BBS12: variants seen among roughly 807,000 people sequenced by gnomAD.
BBS12 encodes the protein chaperonin-containing T-complex member BBS12.
In BBS12, 5 loss-of-function variants were observed where a neutral mutation model predicts 5.6. That is an observed-to-expected ratio of 0.89 (90% CI 0.46 to 1.86). The LOEUF (loss-of-function observed/expected upper bound fraction) is 1.86, where lower values mean the gene tolerates loss of function less well. BBS12 is among the 40% of genes most tolerant of loss of function. The probability of loss-of-function intolerance (pLI) is 0.01; values close to 1 mark genes in which losing one functional copy is unlikely to be tolerated. For missense variants in BBS12, 748 were observed against 830.4 expected (o/e 0.90, Z 1.22); for synonymous variants, 308 against 306.8 (o/e 1.00, Z -0.04).
intron 1 of BBS12, 107 bp downstream of exon 1, chr4:122,732,991 G>A (rs1158143434): frequency 1.3e-5 from 2 of 152,402 alleles, no homozygotes; most frequent in African/African-American, 4.8e-5. Context: ...GAAAGAATGA[G>A]AATCTAGGGC....
chr4:122,719,788 G>T, the BBS12 span, among the ~76,000 whole-genome samples: 1 of 152,212 alleles, frequency 6.6e-6, no homozygotes, highest in African/African-American at 2.4e-5. Flanking sequence ...TTCAAGCCCA[G>T]GTTAGATGAA....
chr4:122,735,585 T>C (rs1443131508), intron 1 of BBS12, among the ~76,000 whole-genome samples: 1 of 152,212 alleles, frequency 6.6e-6, no homozygotes, highest in East Asian at 1.9e-4. Context: ...TTAAAACTTA[T>C]ATTCATGTTG....
At position 122,742,534 on chromosome 4, in the gene BBS12, A is replaced by T. The variant is rs1297157123; in HGVS notation, c.642A>T (p.Arg214=). ...TKVEADNNTS[R]TLKNSLLADT... ...TTGAAGCAGATAACAACACATCACG[A>T]ACTCTGAAAAACAGCCTGCTTGCAG... is the stretch of plus-strand genomic sequence containing the variant. The change falls in exon 2 of 2, where the codon CGA becomes CGT. Residue 214 remains arginine, a synonymous_variant. Transcript: ENST00000314218. 6.2e-7 allele frequency: 1 copy of T among 1,614,242 alleles called. No individual in the cohort carries two copies. The highest frequency in any genetic ancestry group is 1.7e-5 in the Admixed American group (1 of 60,028).
chr4:122,733,321 G>C (rs574710391), intron 1 of BBS12, among the ~76,000 whole-genome samples: 1 of 151,286 alleles, frequency 6.6e-6, no homozygotes, highest in South Asian at 2.1e-4. Context: ...ATTTGTTTAC[G>C]AGGTAGGACT....
the BBS12 span, among the ~76,000 whole-genome samples, chr4:122,707,519 G>A: frequency 6.6e-6 from 1 of 152,000 alleles, no homozygotes; most frequent in Non-Finnish European, 1.5e-5. Context: ...TTGAACCATG[G>A]GCTTACAAAT....
In BBS12 at chr4:122,743,653, G is replaced by A; in HGVS notation, c.1761G>A (p.Val587=). ...ASSLAIYRPT[V]LKFLANGWQK... ...CTCTGGCAATATACAGACCAACTGT[G>A]CTTAAATTCCTGGCAAATGGATGGC... The change falls in exon 2 of 2, where the codon GTG becomes GTA. Residue 587 remains valine (V), a synonymous_variant. Transcript: ENST00000314218. 6.2e-7 allele frequency: 1 copy of A among 1,614,080 alleles called. No individual in the cohort carries two copies. Among genetic ancestry groups the A allele is most frequent in the Non-Finnish European group, 8.5e-7 (1 of 1,180,008 alleles).
At chr4:122,721,133 G>C in the BBS12 span, among the ~76,000 whole-genome samples, 1 of 152,068 alleles carries the variant, frequency 6.6e-6, no homozygotes, top group Non-Finnish European at 1.5e-5. Context: ...CAAAAAGTAA[G>C]GCCTTTTCAG....
chr4:122,711,011 T>C, the BBS12 span, among the ~76,000 whole-genome samples: 3 of 152,082 alleles, frequency 2.0e-5, no homozygotes, highest in African/African-American at 7.2e-5. Flanking sequence ...TCCAGAAAAA[T>C]GGTGACACAT....
chr4:122,704,798 C>T, the BBS12 span, among the ~76,000 whole-genome samples: 1 of 152,176 alleles, frequency 6.6e-6, no homozygotes, highest in African/African-American at 2.4e-5. Context: ...CCATTGGGCT[C>T]ATAATCATTG....
At chr4:122,734,341 C>CT (rs1800753996) in intron 1 of BBS12, among the ~76,000 whole-genome samples, 2 of 152,076 alleles carry the variant, frequency 1.3e-5, no homozygotes, top group East Asian at 3.9e-4. Flanking sequence ...TCCCGGCTCA[C>CT]TGCAAGCTCC....
chr4:122,712,630 C>T, the BBS12 span, among the ~76,000 whole-genome samples: 1 of 152,160 alleles, frequency 6.6e-6, no homozygotes, highest in African/African-American at 2.4e-5. Flanking sequence ...ACGAAAAATA[C>T]AGAAATCTCC....
chr4:122,744,053 A>T lies in BBS12; in HGVS notation c.*28A>T. ...TTACTGGCTAAGTCTTTGGAAAATA[A>T]TTTTTCATAATATGTCATGCTAATA... On this transcript the variant is annotated 3_prime_UTR_variant, in exon 2 of 2. Transcript: ENST00000314218. 1 of 1,585,316 alleles carries T rather than the reference A, an allele frequency of 6.3e-7. No individual in the cohort carries two copies. Among genetic ancestry groups the T allele is most frequent in the Non-Finnish European group, 8.7e-7 (1 of 1,154,344 alleles).
chr4:122,717,395 CT>C, the BBS12 span, among the ~76,000 whole-genome samples: 24 of 151,420 alleles, frequency 1.6e-4, no homozygotes, highest in African/African-American at 3.4e-4. Context: ...TCTATTCTTT[CT>C]TTTTTTTTAA....
chr4:122,743,742 C>T lies in BBS12; in HGVS notation c.1850C>T (p.Thr617Ile), dbSNP rs376558822. The T allele has an allele frequency of 3.7e-6, 6 of 1,614,084 alleles. No individual in the cohort carries two copies. The African/African-American group carries it at 8.0e-5, about 22-fold the overall frequency. ...ANYSSEFEAS[T>I]YIQHHLQNAT... ...TACTCATCAGAATTTGAAGCCAGCA[C>T]ATACATTCAACATCATCTGCAAAAT... The change falls in exon 2 of 2, where the codon ACA becomes ATA. Residue 617 changes from threonine (T) to isoleucine (I), a missense_variant. Transcript: ENST00000314218.
Position 122,743,481 on chromosome 4 carries a change from T to C in BBS12, c.1589T>C (p.Leu530Pro). 1.2e-6 allele frequency: 2 copies of C among 1,614,246 alleles called. No homozygotes were observed. Among genetic ancestry groups the C allele is most frequent in the South Asian group, 2.2e-5 (2 of 91,086 alleles). ...TGTGCCTATCGTTTGTATTATGCTCTAAAAGAGGAAAAGGTCTTCCTTGGA... is the reference window on the plus strand; with the variant it reads ...TGTGCCTATCGTTTGTATTATGCTCCAAAAGAGGAAAAGGTCTTCCTTGGA... ...WTCAYRLYYA[L>P]KEEKVFLGGG... The change falls in exon 2 of 2, where the codon CTA becomes CCA. Residue 530 changes from leucine to proline, a missense_variant. Leu to Pro is a moderately conservative substitution (Grantham distance 98, BLOSUM62 -3). Transcript: ENST00000314218.
At chr4:122,710,393 G>T in the BBS12 span, among the ~76,000 whole-genome samples, 1 of 152,206 alleles carries the variant, frequency 6.6e-6, no homozygotes, top group African/African-American at 2.4e-5. Context: ...CTCCTACTCA[G>T]GAAACTTTCT....
the BBS12 span, among the ~76,000 whole-genome samples, chr4:122,721,431 C>T: frequency 2.6e-5 from 4 of 152,074 alleles, no homozygotes; most frequent in African/African-American, 7.2e-5. Context: ...AAATGTTAAC[C>T]GTAATAACTC....
chr4:122,727,742 C>T (rs1030337530), upstream of BBS12, among the ~76,000 whole-genome samples: 19 of 151,518 alleles, frequency 1.3e-4, no homozygotes, highest in Non-Finnish European at 1.9e-4. Context: ...TTAGTAGAGA[C>T]GGGGTTTCAC....
At chr4:122,721,974 C>T in the BBS12 span, among the ~76,000 whole-genome samples, 2 of 152,046 alleles carry the variant, frequency 1.3e-5, no homozygotes, top group Non-Finnish European at 2.9e-5. Flanking sequence ...GTTTTTAGAT[C>T]AAATTCTCTG....
Sources: allele counts gnomAD v4.1 joint callset (sites outside exome capture counted in the v4.1 genomes callset), GRCh38; gene constraint gnomAD v4.1.1; transcripts MANE v1.5; gene names NCBI Gene and HGNC (gene_info 2026-07-23, HGNC 2026-07-21).